Variants in EXPH5 observed in about 807,000 individuals in gnomAD.
EXPH5 encodes the protein exophilin 5, also known as exophilin-5.
Under a neutral mutation model 41.1 loss-of-function variants are expected in EXPH5, and 42 were observed. That is an observed-to-expected ratio of 1.02 (90% confidence interval 0.80 to 1.32). EXPH5 has a LOEUF of 1.32. Among genes scored for constraint, EXPH5 ranks in the 40% most tolerant of loss-of-function variants. EXPH5 has a pLI of 0.00. For missense variants in EXPH5, 2,298 were observed against 2,314.5 expected (o/e 0.99, Z 0.15); for synonymous variants, 798 against 833.5 (o/e 0.96, Z 0.73).
intron 1 of EXPH5, among the ~76,000 whole-genome samples, chr11:108,586,096 G>A (rs1346779628): frequency 6.6e-6 from 1 of 151,982 alleles, no homozygotes; most frequent in East Asian, 1.9e-4. Context: ...GTGCCACCAC[G>A]CCTGGCTAAT....
upstream of EXPH5, among the ~76,000 whole-genome samples, chr11:108,597,997 A>G (rs1014369107): frequency 1.3e-5 from 2 of 152,076 alleles, no homozygotes; most frequent in African/African-American, 2.4e-5. Context: ...CTTCTAATGC[A>G]TAGAGGTTAA....
chr11:108,565,445 C>A (rs1390657290), intron 1 of EXPH5, among the ~76,000 whole-genome samples: 2 of 152,174 alleles, frequency 1.3e-5, no homozygotes, highest in Non-Finnish European at 2.9e-5. Context: ...TTCAACACAC[C>A]TAAGCTTCTT....
At chr11:108,598,413 G>T, upstream of EXPH5, among the ~76,000 whole-genome samples, 2 of 152,158 alleles carry the variant, frequency 1.3e-5, no homozygotes, top group East Asian at 3.9e-4. Context: ...AAATGCAGAG[G>T]CACCAAGGCA....
intron 4 of EXPH5, among the ~76,000 whole-genome samples, chr11:108,522,204 TA>T (rs548747766): frequency 0.022 from 3,252 of 150,584 alleles, 105 homozygotes; most frequent in African/African-American, 0.073. Context: ...TTTTTTTTTT[TA>T]AAAAAGGAAC....
upstream of EXPH5, among the ~76,000 whole-genome samples, chr11:108,594,751 A>G (rs1189996220): frequency 6.6e-6 from 1 of 152,208 alleles, no homozygotes; most frequent in African/African-American, 2.4e-5. Flanking sequence ...GTACTTCTAC[A>G]TATATCATTT....
At chr11:108,579,836 T>C (rs998282889) in intron 1 of EXPH5, among the ~76,000 whole-genome samples, 6 of 152,110 alleles carry the variant, frequency 3.9e-5, no homozygotes, top group African/African-American at 1.2e-4. Context: ...AGCCCCCTAG[T>C]TCAGGTTTGA....
At chr11:108,577,620 G>A (rs141297990) in intron 1 of EXPH5, among the ~76,000 whole-genome samples, 11,368 of 151,776 alleles carry the variant, frequency 0.075, 618 homozygotes, top group East Asian at 0.28. Flanking sequence ...ACAGGGTTTC[G>A]CCGTGTTGCC....
chr11:108,516,755 G>A (rs1357289674), intron 5 of EXPH5, among the ~76,000 whole-genome samples: 1 of 152,090 alleles, frequency 6.6e-6, no homozygotes, highest in Non-Finnish European at 1.5e-5. Context: ...TGAACATTAA[G>A]GATATGTAAT....
upstream of EXPH5, among the ~76,000 whole-genome samples, chr11:108,594,096 T>C (rs139254783): frequency 1.4e-4 from 22 of 152,152 alleles, no homozygotes; most frequent in East Asian, 3.9e-3. Context: ...CCATAGAAAA[T>C]AGAATTGCAA....
chr11:108,550,947 T>C (rs1327918264), intron 1 of EXPH5, among the ~76,000 whole-genome samples: 1 of 152,060 alleles, frequency 6.6e-6, no homozygotes, highest in African/African-American at 2.4e-5. Context: ...TCCAAATCAT[T>C]GGGAAATCTT....
At chr11:108,569,753 G>A (rs373218701) in intron 1 of EXPH5, among the ~76,000 whole-genome samples, 6 of 152,268 alleles carry the variant, frequency 3.9e-5, no homozygotes, top group Admixed American at 2.0e-4. Flanking sequence ...TGCTAAATAA[G>A]TGAGTGCTGT....
chr11:108,547,183 T>C (rs2093942562), intron 1 of EXPH5, among the ~76,000 whole-genome samples: 1 of 152,080 alleles, frequency 6.6e-6, no homozygotes. Context: ...TTTTGTGATT[T>C]TTTTTAAAGT....
chr11:108,525,761 T>C (rs1318523566), intron 4 of EXPH5, among the ~76,000 whole-genome samples: 1 of 152,134 alleles, frequency 6.6e-6, no homozygotes, highest in Admixed American at 6.6e-5. Context: ...TCCAGCTCTC[T>C]GTGGGGTTGA....
At chr11:108,521,524 A>G (rs1445606302) in intron 4 of EXPH5, among the ~76,000 whole-genome samples, 1 of 152,172 alleles carries the variant, frequency 6.6e-6, no homozygotes, top group African/African-American at 2.4e-5. Flanking sequence ...ACTAATATAA[A>G]ATTCGGAAGT....
intron 1 of EXPH5, among the ~76,000 whole-genome samples, chr11:108,542,715 A>G (rs765851116): frequency 2.0e-5 from 3 of 152,132 alleles, no homozygotes; most frequent in Non-Finnish European, 4.4e-5. Flanking sequence ...TAACAATCTT[A>G]TTAATATTAT....
chr11:108,513,059 G>A lies in EXPH5; in HGVS notation c.2448C>T (p.His816=). Residue 816 remains histidine, a synonymous_variant, in exon 6 of 6, where the codon CAC becomes CAT. Transcript: ENST00000265843. ...TCCTGGGGAAAGATGGTGGTGTTCTGTGTTCCTGAATGAAAGGAAGGGAAG... is the reference window on the plus strand; with the variant it reads ...TCCTGGGGAAAGATGGTGGTGTTCTATGTTCCTGAATGAAAGGAAGGGAAG... ...STASLPFIQE[H]RTPPSFPRTD... is the part of the protein sequence containing the mutation. 1 of 1,613,064 alleles carries A rather than the reference G, an allele frequency of 6.2e-7. No individual in the cohort carries two copies. Among genetic ancestry groups the A allele is most frequent in the Non-Finnish European group, 8.5e-7 (1 of 1,179,748 alleles).
At chr11:108,533,369 A>T (rs1202864333) in intron 3 of EXPH5, among the ~76,000 whole-genome samples, 1 of 151,986 alleles carries the variant, frequency 6.6e-6, no homozygotes, top group Non-Finnish European at 1.5e-5. Context: ...ACACCTGGCT[A>T]ATTTTTCTAA....
At chr11:108,545,967 C>A (rs958474171) in intron 1 of EXPH5, among the ~76,000 whole-genome samples, 2 of 151,468 alleles carry the variant, frequency 1.3e-5, no homozygotes, top group Non-Finnish European at 2.9e-5. Flanking sequence ...GGCTGAGGCA[C>A]CACCAGTGAA....
the EXPH5 span, among the ~76,000 whole-genome samples, chr11:108,602,043 C>T: frequency 6.6e-6 from 1 of 152,202 alleles, no homozygotes; most frequent in Non-Finnish European, 1.5e-5. Flanking sequence ...GCCACTGTGC[C>T]TGCCCTGAAA....
Sources: gnomAD v4.1 joint callset for allele counts (sites outside exome capture counted in the v4.1 genomes callset) on GRCh38, gnomAD v4.1.1 for gene constraint, MANE v1.5 for transcripts, NCBI Gene and HGNC (gene_info 2026-07-23, HGNC 2026-07-21) for gene names.